The following PRKN variants were observed in gnomAD, a reference collection of about 807,000 sequenced individuals.
PRKN encodes E3 ubiquitin-protein ligase parkin.
In PRKN, 56 loss-of-function variants were observed where a neutral mutation model predicts 59.5. That is an observed-to-expected ratio of 0.94 (90% CI 0.76 to 1.18). PRKN has a LOEUF of 1.18. Ranked by LOEUF, PRKN falls within the 50% of genes most tolerant of loss-of-function variation. PRKN has a pLI of 0.00. For synonymous variants in PRKN, 250 were observed against 222.1 expected (o/e 1.13, Z -1.12); for missense variants, 657 against 596.4 (o/e 1.10, Z -1.06).
rs191859429 is a variant in PRKN, at chr6:161,814,721, C to T, written c.735-28813G>A. 1.2e-3 allele frequency among the ~76,000 whole-genome samples: 189 copies of T among 152,244 alleles called. 1 individual carries two copies. The highest frequency in any genetic ancestry group is 4.2e-3 in the African/African-American group (174 of 41,544). Reference sequence around the variant, plus strand: ...TTCTCCATGTTGGTCAGGCTGGTCTCGAACTCCCGACCTCAGGTGATCTGC... The same window carrying T: ...TTCTCCATGTTGGTCAGGCTGGTCTTGAACTCCCGACCTCAGGTGATCTGC... On this transcript the variant is annotated intron_variant, in intron 6 of 11. Coordinates refer to ENST00000366898, the MANE Select transcript of PRKN (RefSeq NM_004562.3).
intron 5 of PRKN, among the ~76,000 whole-genome samples, chr6:162,028,161 G>A (rs1783507017): frequency 1.3e-5 from 2 of 152,124 alleles, no homozygotes; most frequent in Admixed American, 6.5e-5. Context: ...TAAAAACTTG[G>A]TTGTTTATTG....
intron 4 of PRKN, among the ~76,000 whole-genome samples, chr6:162,095,280 A>G (rs1442905452): frequency 2.0e-5 from 3 of 152,040 alleles, no homozygotes; most frequent in African/African-American, 7.2e-5. Flanking sequence ...CGAGGCCTAC[A>G]CCTCCCCGAC....
chr6:162,004,134 C>T (rs1045581741), intron 5 of PRKN, among the ~76,000 whole-genome samples: 6 of 152,094 alleles, frequency 3.9e-5, no homozygotes, highest in East Asian at 1.9e-4. Flanking sequence ...GGGAGGTCAC[C>T]GGATCATGTG....
At position 161,498,733 on chromosome 6, in the gene PRKN, C is replaced by T. The variant is rs368676580; in HGVS notation, c.1083+50121G>A. Among the ~76,000 whole-genome samples the T allele has an allele frequency of 5.3e-5, 8 of 152,196 alleles. No individual in the cohort carries two copies. The East Asian group carries it at 7.7e-4, about 15-fold the overall frequency. On this transcript the variant is annotated intron_variant, in intron 9 of 11. Coordinates refer to ENST00000366898, the MANE Select transcript of PRKN (RefSeq NM_004562.3). This position sits in a 1 kb window ranked among gnomAD's most constrained non-coding sequence, Gnocchi z 4.2. ...ACAGGCCTTACGCGTGAGAAACAAA[C>T]CTTTGTTGTTTCAAACCACTGAAAT...
rs150253289 is a variant in PRKN, at chr6:162,019,982, G to C, written c.618+34109C>G. On this transcript the variant is annotated intron_variant, in intron 5 of 11. Transcript: ENST00000366898. ...TTCAGTGAGCCAAGATTGTGACATTGCACTCCAGCCTGGGCGACAAGAGCA... is the reference window on the plus strand; with the variant it reads ...TTCAGTGAGCCAAGATTGTGACATTCCACTCCAGCCTGGGCGACAAGAGCA... Among the ~76,000 whole-genome samples the C allele has an allele frequency of 1.1e-3, 171 of 151,894 alleles. 1 individual carries two copies. The highest frequency in any genetic ancestry group is 3.9e-3 in the African/African-American group (162 of 41,438).
In PRKN at chr6:162,270,617, T is replaced by G. The variant is rs575049072; in HGVS notation, c.172-7852A>C. The G allele has an allele frequency of 4.5e-3, 685 of 152,340 alleles. 7 individuals are homozygous for G. Among genetic ancestry groups the G allele is most frequent in the African/African-American group, 0.016 (663 of 41,568 alleles). 9.4% of individuals were successfully genotyped at this position (152,340 alleles called of 1,614,324 possible). Reference sequence around the variant, plus strand: ...TTATTTGGATTTTTAATAGACTACATTTTCTATCTAGAAAAGGAATACAAT... The same window carrying G: ...TTATTTGGATTTTTAATAGACTACAGTTTCTATCTAGAAAAGGAATACAAT... On this transcript the variant is annotated intron_variant, in intron 2 of 11. Coordinates refer to ENST00000366898, the MANE Select transcript of PRKN (RefSeq NM_004562.3).
chr6:162,146,283 C>T (rs1782022931), intron 4 of PRKN, among the ~76,000 whole-genome samples: 1 of 152,082 alleles, frequency 6.6e-6, no homozygotes, highest in Non-Finnish European at 1.5e-5. Context: ...ACTCCAAAGC[C>T]TCTCTACCTC....
chr6:161,493,500 G>A (rs1052534826), intron 9 of PRKN, among the ~76,000 whole-genome samples: 1 of 152,160 alleles, frequency 6.6e-6, no homozygotes, highest in Admixed American at 6.5e-5. Context: ...GCTAATGGAA[G>A]GTACTCGGTC....
intron 1 of PRKN, among the ~76,000 whole-genome samples, chr6:162,589,698 G>A (rs1781224690): frequency 6.6e-6 from 1 of 152,108 alleles, no homozygotes; most frequent in Non-Finnish European, 1.5e-5. Context: ...TAAAAGTAGA[G>A]ATACACTTAG....
intron 7 of PRKN, among the ~76,000 whole-genome samples, chr6:161,635,302 C>T (rs771686314): frequency 1.9e-4 from 29 of 152,270 alleles, no homozygotes; most frequent in East Asian, 5.8e-4. Flanking sequence ...ATAGTAGAAT[C>T]GCTTCTCTAC....
At chr6:162,090,561 T>C (rs1222427243) in intron 4 of PRKN, among the ~76,000 whole-genome samples, 1 of 152,214 alleles carries the variant, frequency 6.6e-6, no homozygotes, top group East Asian at 1.9e-4. Flanking sequence ...AATATTCTCT[T>C]ATGGTCTAGT....
At chr6:162,136,946 TA>T (rs1490060301) in intron 4 of PRKN, among the ~76,000 whole-genome samples, 12 of 151,768 alleles carry the variant, frequency 7.9e-5, no homozygotes, top group Non-Finnish European at 1.8e-4. Flanking sequence ...TTTGTAAGTA[TA>T]AAAATATTTA....
intron 4 of PRKN, among the ~76,000 whole-genome samples, chr6:162,057,105 T>C (rs533905718): frequency 6.6e-6 from 1 of 152,166 alleles, no homozygotes; most frequent in East Asian, 1.9e-4. Flanking sequence ...GACATAGGAT[T>C]GGTGATCAAG....
chr6:161,919,509 A>G (rs1778700868), intron 6 of PRKN, among the ~76,000 whole-genome samples: 1 of 152,224 alleles, frequency 6.6e-6, no homozygotes, highest in African/African-American at 2.4e-5. Context: ...TGTAAATTAT[A>G]CCCCAATAAA....
chr6:162,344,417 T>C (rs958804811), intron 2 of PRKN, among the ~76,000 whole-genome samples: 2 of 152,136 alleles, frequency 1.3e-5, no homozygotes, highest in Non-Finnish European at 2.9e-5. Context: ...AAATTTACTT[T>C]TAACAGATGT....
At chr6:161,639,671 G>A (rs1783665607) in intron 7 of PRKN, among the ~76,000 whole-genome samples, 1 of 152,186 alleles carries the variant, frequency 6.6e-6, no homozygotes, top group African/African-American at 2.4e-5. Context: ...TGTCTGCCCT[G>A]CACAGGACTA....
At chr6:161,520,503 C>T (rs896137641) in intron 9 of PRKN, among the ~76,000 whole-genome samples, 1 of 152,038 alleles carries the variant, frequency 6.6e-6, no homozygotes, top group Non-Finnish European at 1.5e-5. Flanking sequence ...GCTGGGATTA[C>T]AGGAGTGAAC....
intron 9 of PRKN, among the ~76,000 whole-genome samples, chr6:161,479,935 T>C (rs950806979): frequency 1.3e-5 from 2 of 151,996 alleles, no homozygotes; most frequent in African/African-American, 4.8e-5. Flanking sequence ...AGACAAAGAG[T>C]TGTGAGCACC....
At chr6:161,449,254 A>C (rs1010483693) in intron 9 of PRKN, among the ~76,000 whole-genome samples, 11 of 152,196 alleles carry the variant, frequency 7.2e-5, no homozygotes, top group Admixed American at 5.2e-4. Context: ...ACGATTTAGC[A>C]TGTCCTCTAA....
Sources: gnomAD v4.1 joint callset for allele counts (sites outside exome capture counted in the v4.1 genomes callset) on GRCh38, gnomAD v4.1.1 for gene constraint, Gnocchi (gnomAD v3.1) non-coding constraint, MANE v1.5 for transcripts, NCBI Gene and HGNC (gene_info 2026-07-23, HGNC 2026-07-21) for gene names.